Variants in LRFN5 observed in about 807,000 individuals in gnomAD.
The protein encoded by LRFN5 is leucine rich repeat and fibronectin type III domain containing 5.
In LRFN5, 24 loss-of-function variants were observed where a neutral mutation model predicts 45.6. The ratio of observed to expected loss-of-function variants is 0.53; its 90% CI spans 0.38 to 0.74. The LOEUF (loss-of-function observed/expected upper bound fraction) is 0.74, where lower values mean the gene tolerates loss of function less well. LRFN5 is among the 30% of genes least tolerant of loss of function. LRFN5 has a pLI of 0.00. For synonymous variants in LRFN5, 340 were observed against 313.8 expected (o/e 1.08, Z -0.88); for missense variants, 776 against 861.5 (o/e 0.90, Z 1.24).
At chr14:41,731,435 A>G (rs1884172691) in intron 1 of LRFN5, 1 of 152,120 alleles carries the variant, frequency 6.6e-6, no homozygotes, top group Non-Finnish European at 1.5e-5. Flanking sequence ...TTTAATTTTC[A>G]TGTAAAATCT....
intron 1 of LRFN5, among the ~76,000 whole-genome samples, chr14:41,732,232 A>G (rs779199430): frequency 1.3e-5 from 2 of 152,140 alleles, no homozygotes; most frequent in Non-Finnish European, 2.9e-5. Context: ...ATGACTCTCA[A>G]ATATCAGGAT....
chr14:41,731,521 T>A (rs1884176033), intron 1 of LRFN5, among the ~76,000 whole-genome samples: 1 of 152,086 alleles, frequency 6.6e-6, no homozygotes, highest in Non-Finnish European at 1.5e-5. Flanking sequence ...AGAATCAAAT[T>A]TTAAAATATC....
intron 1 of LRFN5, among the ~76,000 whole-genome samples, chr14:41,750,009 C>CT (rs1490533016): frequency 6.6e-6 from 1 of 151,900 alleles, no homozygotes. Context: ...AACTGTCTCT[C>CT]TAACTTTCTT....
chr14:41,675,016 A>G (rs1881543951), intron 1 of LRFN5, among the ~76,000 whole-genome samples: 1 of 151,034 alleles, frequency 6.6e-6, no homozygotes, highest in East Asian at 2.0e-4. Flanking sequence ...GCGGCCGGGC[A>G]GAGACGCTCC....
chr14:41,734,847 A>C (rs2138804027), intron 1 of LRFN5, among the ~76,000 whole-genome samples: 1 of 152,024 alleles, frequency 6.6e-6, no homozygotes. Context: ...TGGTTACAAT[A>C]ATGCTTACAT....
At chr14:41,689,036 A>T (rs1882248711) in intron 1 of LRFN5, among the ~76,000 whole-genome samples, 1 of 151,994 alleles carries the variant, frequency 6.6e-6, no homozygotes. Flanking sequence ...TTGAGGCTAC[A>T]GCGAGCTGAG....
intron 1 of LRFN5, among the ~76,000 whole-genome samples, chr14:41,684,344 C>T (rs1254301074): frequency 6.6e-6 from 1 of 152,170 alleles, no homozygotes; most frequent in African/African-American, 2.4e-5. Flanking sequence ...GTTTAACTGA[C>T]ACACAGTTCA....
Position 41,631,718 on chromosome 14 carries a change from T to A in LRFN5, c.-197+23156T>A, listed in dbSNP as rs188419317. On this transcript the variant is annotated intron_variant, in intron 1 of 5. Coordinates refer to ENST00000298119, the MANE Select transcript of LRFN5 (RefSeq NM_152447.5). The stretch of plus-strand genomic sequence containing the variant: ...ACTGAGAGAAATAATAAGTCATGAG[T>A]ATATCCAGAAGAACAGAGCCTGAGA... Among the ~76,000 whole-genome samples the A allele has an allele frequency of 2.1e-3, 320 of 152,062 alleles. 1 individual carries two copies. The highest frequency in any genetic ancestry group is 7.3e-3 in the African/African-American group (301 of 41,448).
chr14:41,820,798 G>A (rs900541472), intron 2 of LRFN5, among the ~76,000 whole-genome samples: 2 of 151,546 alleles, frequency 1.3e-5, no homozygotes, highest in African/African-American at 4.8e-5. Context: ...TTTCCTTCAA[G>A]CATTTTATAG....
At chr14:41,866,065 C>A (rs1231796398) in intron 2 of LRFN5, among the ~76,000 whole-genome samples, 1 of 151,982 alleles carries the variant, frequency 6.6e-6, no homozygotes, top group Non-Finnish European at 1.5e-5. Context: ...TTTTGATGAC[C>A]AATTTTGCTT....
chr14:41,783,723 TTCACTAATTTA>T (rs2138925307), intron 2 of LRFN5, among the ~76,000 whole-genome samples: 1 of 152,270 alleles, frequency 6.6e-6, no homozygotes, highest in East Asian at 1.9e-4. Flanking sequence ...CTGTTATTTT[TTCACTAATTTA>T]GAAGTTCCTT....
At chr14:41,751,453 A>G (rs1055543999) in intron 1 of LRFN5, among the ~76,000 whole-genome samples, 1 of 152,220 alleles carries the variant, frequency 6.6e-6, no homozygotes, top group Non-Finnish European at 1.5e-5. Flanking sequence ...CAATGCACAT[A>G]TGTATTGGCT....
chr14:41,751,156 C>T (rs1222750361), intron 1 of LRFN5, among the ~76,000 whole-genome samples: 1 of 152,028 alleles, frequency 6.6e-6, no homozygotes, highest in African/African-American at 2.4e-5. Flanking sequence ...CAATCACCTC[C>T]CACTAGGGCC....
Position 41,904,301 on chromosome 14 carries a change from C to A in LRFN5, c.*126C>A. On this transcript the variant is annotated 3_prime_UTR_variant, in exon 6 of 6. Coordinates refer to ENST00000298119, the MANE Select transcript of LRFN5 (RefSeq NM_152447.5). ...CTGGTGTCGTAGAAGAAATTGTCTA[C>A]AGGAGCCAAGGTGAAAGTCTCTGAT... The A allele has an allele frequency of 8.5e-7, 1 of 1,177,748 alleles. No individual in the cohort carries two copies. Among genetic ancestry groups the A allele is most frequent in the Non-Finnish European group, 1.2e-6 (1 of 802,992 alleles). 73.0% of individuals were successfully genotyped at this position (1,177,748 alleles called of 1,614,324 possible).
intron 1 of LRFN5, among the ~76,000 whole-genome samples, chr14:41,687,876 G>C (rs1313476905): frequency 6.6e-6 from 1 of 152,100 alleles, no homozygotes; most frequent in Non-Finnish European, 1.5e-5. Flanking sequence ...CAAACCACTA[G>C]AGCACACGTA....
chr14:41,633,180 G>C (rs1451997908), intron 1 of LRFN5, among the ~76,000 whole-genome samples: 1 of 152,054 alleles, frequency 6.6e-6, no homozygotes, highest in Non-Finnish European at 1.5e-5. Flanking sequence ...CTGCTATTAT[G>C]ATGCCCATGT....
At chr14:41,644,565 G>C (rs1452618221) in intron 1 of LRFN5, among the ~76,000 whole-genome samples, 1 of 152,084 alleles carries the variant, frequency 6.6e-6, no homozygotes, top group African/African-American at 2.4e-5. Flanking sequence ...GTTGGGTAAG[G>C]AGATAGTCGG....
At chr14:41,808,174 A>G (rs1275275320) in intron 2 of LRFN5, among the ~76,000 whole-genome samples, 1 of 144,068 alleles carries the variant, frequency 6.9e-6, no homozygotes, top group African/African-American at 2.6e-5. Flanking sequence ...AAGTGGAGGG[A>G]GGGAGGAAGA....
intron 1 of LRFN5, among the ~76,000 whole-genome samples, chr14:41,614,047 C>T (rs148201652): frequency 6.6e-6 from 1 of 152,000 alleles, no homozygotes; most frequent in African/African-American, 2.4e-5. Context: ...ACTGTGAAAC[C>T]TAACTTTCTC....
Sources: gnomAD v4.1 joint callset for allele counts (sites outside exome capture counted in the v4.1 genomes callset) on GRCh38, gnomAD v4.1.1 for gene constraint, MANE v1.5 for transcripts, NCBI Gene and HGNC (gene_info 2026-07-23, HGNC 2026-07-21) for gene names.